MCPH1: variants seen among roughly 807,000 people sequenced by gnomAD.
MCPH1 encodes the protein microcephalin.
A neutral mutation model predicts 84.5 loss-of-function variants in MCPH1; 104 were observed. The observed-to-expected ratio is 1.23, with a 90% CI of 1.05 to 1.45. The LOEUF (loss-of-function observed/expected upper bound fraction) is 1.45, where lower values mean the gene tolerates loss of function less well. Ranked by LOEUF, MCPH1 falls within the 40% of genes most tolerant of loss-of-function variation. The pLI is 0.00. For missense variants in MCPH1, 1,498 were observed against 1,005.7 expected (o/e 1.49, Z -6.62); for synonymous variants, 514 against 366.8 (o/e 1.40, Z -4.58).
chr8:6,488,380 A>G (rs886163659), intron 11 of MCPH1, among the ~76,000 whole-genome samples: 2 of 152,242 alleles, frequency 1.3e-5, no homozygotes, highest in African/African-American at 2.4e-5. Flanking sequence ...ACATTTGGAA[A>G]GATGTGGAGA....
rs1563305001 is a variant in MCPH1, at chr8:6,505,226, TATG to T, written c.2214+5298_2214+5300del. 3.3e-3 allele frequency among the ~76,000 whole-genome samples: 176 copies of T among 52,820 alleles called. 40 individuals are homozygous for T. The highest frequency in any genetic ancestry group is 0.018 in the African/African-American group (167 of 9,176). The allele number at this position is 52,820 out of a possible 152,430, so 34.7% of individuals were successfully genotyped here. The stretch of plus-strand genomic sequence containing the variant: ...TATATAGAATATATATATATATTCT[TATG>T]TATATATAGAATATATATTCTTTAT... On this transcript the variant is annotated intron_variant, in intron 12 of 13. Coordinates refer to ENST00000344683, the MANE Select transcript of MCPH1 (RefSeq NM_024596.5).
chr8:6,547,300 A>C (rs113412396), intron 12 of MCPH1, among the ~76,000 whole-genome samples: 118 of 152,232 alleles, frequency 7.8e-4, no homozygotes, highest in African/African-American at 2.7e-3. Context: ...AAAAGTACAG[A>C]GACTTGAATC....
In MCPH1 at chr8:6,521,460, T is replaced by C. The variant is rs115694540; in HGVS notation, c.2214+21531T>C. ...TAGTGAAGGCTATTCTAATGAAATA[T>C]TTTATATTTATTGAATTTCTACTTC... is the stretch of plus-strand genomic sequence containing the variant. On this transcript the variant is annotated intron_variant, in intron 12 of 13. Transcript: ENST00000344683. 3,526 of 1,293,120 alleles carry C rather than the reference T, an allele frequency of 2.7e-3. 76 individuals carry two copies. The African/African-American group carries it at 0.045, about 17-fold the overall frequency. 80.1% of individuals were successfully genotyped at this position (1,293,120 alleles called of 1,614,324 possible).
chr8:6,591,470 T>C (rs747625349), intron 12 of MCPH1, among the ~76,000 whole-genome samples: 15 of 152,300 alleles, frequency 9.8e-5, no homozygotes, highest in Non-Finnish European at 1.8e-4. Flanking sequence ...AATCACCCCA[T>C]GTGTGGAATG....
At chr8:6,447,144 A>T (rs1056899686) in intron 8 of MCPH1, 1 of 985,322 alleles carries the variant, frequency 1.0e-6, no homozygotes, top group African/African-American at 1.7e-5. Context: ...AAAGACCTAC[A>T]TGTTGGCTAG....
At chr8:6,606,088 G>C (rs1397868892) in intron 12 of MCPH1, among the ~76,000 whole-genome samples, 2 of 152,208 alleles carry the variant, frequency 1.3e-5, no homozygotes, top group Non-Finnish European at 1.5e-5. Context: ...TGAGTAAGTT[G>C]TAAAGCTTTT....
At chr8:6,502,392 C>T (rs572271009) in intron 12 of MCPH1, 18 of 151,994 alleles carry the variant, frequency 1.2e-4, no homozygotes, top group African/African-American at 2.9e-4. Context: ...TAAAATGGCA[C>T]GTTTCTGTTG....
intron 12 of MCPH1, among the ~76,000 whole-genome samples, chr8:6,592,282 G>T (rs772600997): frequency 3.3e-5 from 5 of 152,002 alleles, no homozygotes; most frequent in Non-Finnish European, 7.4e-5. Context: ...CTCCCAAGTA[G>T]CTGGGACTAC....
At chr8:6,530,402 G>A (rs2442606) in intron 12 of MCPH1, among the ~76,000 whole-genome samples, 26,278 of 151,108 alleles carry the variant, frequency 0.17, 2,765 homozygotes, top group African/African-American at 0.29. Flanking sequence ...CCAGCTACGC[G>A]GGAGGCTAAG....
At chr8:6,638,534 G>C (rs1209053988) in intron 13 of MCPH1, among the ~76,000 whole-genome samples, 1 of 151,084 alleles carries the variant, frequency 6.6e-6, no homozygotes, top group African/African-American at 2.4e-5. Context: ...TTTAGCTTGT[G>C]CGTAAATGCC....
chr8:6,438,915 CT>C, intron 5 of MCPH1, 37 bp from the exon 6 acceptor site: 1 of 1,601,338 alleles, frequency 6.2e-7, no homozygotes. Flanking sequence ...TATGAAGGCA[CT>C]TTTTGGTCTT....
At chr8:6,503,073 A>T in intron 12 of MCPH1, 1 of 1,613,574 alleles carries the variant, frequency 6.2e-7, no homozygotes. Flanking sequence ...AAATAGTTCG[A>T]GACAGTTCCT....
At chr8:6,477,691 C>G (rs749320186) in intron 10 of MCPH1, 60 bp downstream of exon 10, 18 of 1,444,924 alleles carry the variant, frequency 1.2e-5, no homozygotes, top group Non-Finnish European at 1.7e-5. Context: ...CTCTTATACT[C>G]TAATTCTGGG....
At chr8:6,415,030 A>G in intron 3 of MCPH1, 147 bp downstream of exon 3, 1 of 784,644 alleles carries the variant, frequency 1.3e-6, no homozygotes, top group South Asian at 1.7e-5. Flanking sequence ...GAAATCCTCC[A>G]GCCTCAATTT....
intron 13 of MCPH1, 40 bp downstream of exon 13, chr8:6,621,731 A>T: frequency 6.2e-7 from 1 of 1,613,316 alleles, no homozygotes; most frequent in Non-Finnish European, 8.5e-7. Flanking sequence ...TGTGGTCCAG[A>T]TCTGTGGACA....
rs541031765 is a variant in MCPH1, at chr8:6,414,455, A to T, written c.115-310A>T. On this transcript the variant is annotated intron_variant, in intron 2 of 13. Transcript: ENST00000344683. ...TGTCCATTATTATCTGACTCTTTCC[A>T]TCTTTAAAAATGTGGTGCCTTCTCA... Among the ~76,000 whole-genome samples, 7 of 152,282 alleles carry T rather than the reference A, an allele frequency of 4.6e-5. No individual in the cohort carries two copies. The South Asian group carries it at 1.4e-3, about 32-fold the overall frequency.
At chr8:6,520,618 A>T (rs1232462776) in intron 12 of MCPH1, among the ~76,000 whole-genome samples, 1 of 151,874 alleles carries the variant, frequency 6.6e-6, no homozygotes, top group Non-Finnish European at 1.5e-5. Flanking sequence ...CTGGTCTCCA[A>T]CTCCTGTCCT....
intron 3 of MCPH1, among the ~76,000 whole-genome samples, chr8:6,423,578 A>G (rs1053561551): frequency 2.0e-5 from 3 of 152,160 alleles, no homozygotes; most frequent in African/African-American, 7.2e-5. Context: ...AATTTATGTA[A>G]GCAGTGTCCT....
At chr8:6,579,512 G>T (rs779040277) in intron 12 of MCPH1, among the ~76,000 whole-genome samples, 20 of 152,292 alleles carry the variant, frequency 1.3e-4, no homozygotes, top group Middle Eastern at 3.4e-3. Context: ...TTTCTGGGGC[G>T]TTCTAATGAA....
Sources: allele counts gnomAD v4.1 joint callset (sites outside exome capture counted in the v4.1 genomes callset), GRCh38; gene constraint gnomAD v4.1.1; transcripts MANE v1.5; gene names NCBI Gene and HGNC (gene_info 2026-07-23, HGNC 2026-07-21).